Variants in LPAR5 observed in about 807,000 individuals in gnomAD.
The protein encoded by LPAR5 is G protein-coupled receptor 92.
For missense variants in LPAR5, 544 were observed against 521.8 expected, an observed-to-expected ratio of 1.04 and a Z score of -0.41; for synonymous variants, 271 against 261.6, an observed-to-expected ratio of 1.04 and a Z score of -0.35.
At chr12:6,623,035 C>T (rs1378587011) in intron 1 of LPAR5, among the ~76,000 whole-genome samples, 3 of 151,954 alleles carry the variant, frequency 2.0e-5, no homozygotes, top group South Asian at 2.1e-4. Flanking sequence ...GTCAGGAGTT[C>T]GAGATCAGCC....
At chr12:6,627,718 C>T (rs1948951390) in intron 1 of LPAR5, among the ~76,000 whole-genome samples, 1 of 152,160 alleles carries the variant, frequency 6.6e-6, no homozygotes, top group Admixed American at 6.5e-5. Context: ...TGGTAAGCTC[C>T]TAGGGTGGGA....
intron 1 of LPAR5, among the ~76,000 whole-genome samples, chr12:6,628,319 C>T (rs1948957538): frequency 1.3e-5 from 2 of 152,082 alleles, no homozygotes; most frequent in South Asian, 4.1e-4. Flanking sequence ...CCGCGCCAGG[C>T]CCACTTGATC....
At chr12:6,621,711 T>C (rs757642192) in intron 1 of LPAR5, among the ~76,000 whole-genome samples, 9 of 152,202 alleles carry the variant, frequency 5.9e-5, no homozygotes, top group Non-Finnish European at 1.2e-4. Context: ...AAAAAATTAA[T>C]CTTGGCTGGG....
At chr12:6,632,850 C>T (rs950563597) in intron 1 of LPAR5, among the ~76,000 whole-genome samples, 1 of 152,168 alleles carries the variant, frequency 6.6e-6, no homozygotes, top group East Asian at 1.9e-4. Flanking sequence ...TGCCCAGGGG[C>T]CACATTCTTC....
Position 6,619,989 on chromosome 12 carries a change from T to A in LPAR5, c.*141A>T, listed in dbSNP as rs146136787. 8.1e-4 allele frequency: 953 copies of A among 1,174,648 alleles called. 7 individuals carry two copies. In the African/African-American group the frequency reaches 0.013, roughly 16 times the overall value. The allele number at this position is 1,174,648 out of a possible 1,614,324, so 72.8% of individuals were successfully genotyped here. A position where few individuals can be genotyped will look rare whatever the true frequency, so the allele number is the denominator to read the frequency against. On this transcript the variant is annotated 3_prime_UTR_variant, in exon 2 of 2. Transcript: ENST00000329858. ...TCCCTGGGCCCTGGCTTCCACACTT[T>A]GTACTCTTCTGCGTTGCTAAGCTGG...
At chr12:6,630,129 G>A (rs1565388589) in intron 1 of LPAR5, among the ~76,000 whole-genome samples, 1 of 151,792 alleles carries the variant, frequency 6.6e-6, no homozygotes. Context: ...AAGTTCTTGG[G>A]TTTCTTTTTT....
chr12:6,621,500 A>C, intron 1 of LPAR5, 36 bp from the exon 2 acceptor site: 1 of 383,898 alleles, frequency 2.6e-6, no homozygotes, highest in Non-Finnish European at 4.8e-6. Context: ...TTATACAGAG[A>C]CAGGGCTGCA....
chr12:6,626,720 C>T lies in LPAR5; in HGVS notation c.-216-5256G>A, dbSNP rs1948942828. 6.6e-5 allele frequency among the ~76,000 whole-genome samples: 10 copies of T among 152,332 alleles called. No homozygotes were observed. The South Asian group carries it at 2.1e-3, about 32-fold the overall frequency. ...GCCTTTGTATGTGGTGTTTCTTCAA[C>T]TTGGAATGCCCTGCCTCCCGTTCTC... is the stretch of plus-strand genomic sequence containing the variant. On this transcript the variant is annotated intron_variant, in intron 1 of 1. Coordinates refer to ENST00000329858, the MANE Select transcript of LPAR5 (RefSeq NM_020400.6).
At position 6,620,611 on chromosome 12, in the gene LPAR5, C is replaced by G; in HGVS notation, c.638G>C (p.Arg213Pro). The G allele has an allele frequency of 2.6e-6, 4 of 1,551,464 alleles. No homozygotes were observed. The highest frequency in any genetic ancestry group is 3.5e-6 in the Non-Finnish European group (4 of 1,148,216). The stretch of plus-strand genomic sequence containing the variant: ...GGGGCGCGCCAGCGTCCAGAAGACT[C>G]GGCCCGACGAGTAGACCACCGCCGC... The part of the protein sequence containing the change: ...PLAAVVYSSG[R>P]VFWTLARPDA... Residue 213 changes from arginine to proline, a missense_variant, in exon 2 of 2, where the codon CGA (arginine) becomes CCA (proline). Arg to Pro is a moderately radical substitution (Grantham distance 103, BLOSUM62 -2). Transcript: ENST00000329858. This position sits in a 1 kb window ranked among gnomAD's most constrained non-coding sequence, Gnocchi z 6.8.
At position 6,620,374 on chromosome 12, in the gene LPAR5, A is replaced by C; in HGVS notation, c.875T>G (p.Leu292Arg). The part of the protein sequence containing the change: ...MVLLAGANCV[L>R]DPLVYYFSAE... ...GCTAAAGTAGTACACCAGCGGGTCC[A>C]GCACGCAGTTGGCGCCGGCCAGCAG... Residue 292 changes from leucine (L) to arginine (R), a missense_variant, in exon 2 of 2, where the codon CTG becomes CGG. By Grantham distance (102) the Leu-to-Arg change is moderately radical. Coordinates refer to ENST00000329858, the MANE Select transcript of LPAR5 (RefSeq NM_020400.6). The surrounding 1 kb of genome is among the most constrained non-coding windows in gnomAD (Gnocchi z 6.8). 1 of 1,611,802 alleles carries C rather than the reference A, an allele frequency of 6.2e-7. No homozygotes were observed. The highest frequency in any genetic ancestry group is 1.1e-5 in the South Asian group (1 of 90,976).
intron 1 of LPAR5, among the ~76,000 whole-genome samples, chr12:6,623,490 C>T (rs538299979): frequency 1.6e-4 from 24 of 151,564 alleles, no homozygotes; most frequent in Admixed American, 2.6e-4. Context: ...GTCGAGATCA[C>T]GCCACTGCAC....
rs749935314 is a variant in LPAR5 at position 6,620,399 on chromosome 12, G to C, written c.850C>G (p.Leu284Val). Reference sequence around the variant, plus strand: ...AGCACGCAGTTGGCGCCGGCCAGCAGCACCATCACCATCAGCACCCCGCGC... The same window carrying C: ...AGCACGCAGTTGGCGCCGGCCAGCACCACCATCACCATCAGCACCCCGCGC... ...RVRGVLMVMV[L>V]LAGANCVLDP... Residue 284 changes from leucine to valine, a missense_variant, in exon 2 of 2, where the codon CTG (leucine) becomes GTG (valine). Physicochemically the swap from Leu to Val is conservative, Grantham distance 32. Transcript: ENST00000329858. This position sits in a 1 kb window ranked among gnomAD's most constrained non-coding sequence, Gnocchi z 6.8. 3 of 1,611,342 alleles carry C rather than the reference G, an allele frequency of 1.9e-6. No homozygotes were observed. Among genetic ancestry groups the C allele is most frequent in the African/African-American group, 1.3e-5 (1 of 74,914 alleles).
intron 1 of LPAR5, among the ~76,000 whole-genome samples, chr12:6,628,487 C>T (rs181146637): frequency 1.2e-3 from 183 of 151,436 alleles, no homozygotes; most frequent in African/African-American, 4.2e-3. Context: ...GATGGAGTTT[C>T]GCATGCTCTG....
chr12:6,624,498 A>G (rs1249705969), intron 1 of LPAR5, among the ~76,000 whole-genome samples: 3 of 152,108 alleles, frequency 2.0e-5, no homozygotes, highest in Admixed American at 1.3e-4. Flanking sequence ...TGCCTATTCT[A>G]GATACCTCAT....
At position 6,620,068 on chromosome 12, in the gene LPAR5, G is replaced by C. The variant is rs1948874664; in HGVS notation, c.*62C>G. On this transcript the variant is annotated 3_prime_UTR_variant, in exon 2 of 2. Transcript: ENST00000329858. This position sits in a 1 kb window ranked among gnomAD's most constrained non-coding sequence, Gnocchi z 6.8. ...GCCCACCTTCTTGTGTGTACACCCT[G>C]TAAGCCTCCCAGAACGAGAGGCGTT... 6.3e-7 allele frequency: 1 copy of C among 1,598,176 alleles called. No homozygotes were observed. Among genetic ancestry groups the C allele is most frequent in the South Asian group, 1.1e-5 (1 of 89,352 alleles).
Position 6,620,114 on chromosome 12 carries a change from G to A in LPAR5, c.*16C>T, listed in dbSNP as rs762110463. 4 of 1,613,416 alleles carry A rather than the reference G, an allele frequency of 2.5e-6. No homozygotes were observed. Among genetic ancestry groups the A allele is most frequent in the South Asian group, 2.2e-5 (2 of 91,012 alleles). On this transcript the variant is annotated 3_prime_UTR_variant, in exon 2 of 2. Coordinates refer to ENST00000329858, the MANE Select transcript of LPAR5 (RefSeq NM_020400.6). This position sits in a 1 kb window ranked among gnomAD's most constrained non-coding sequence, Gnocchi z 6.8. ...GCGTTGGGAGTCGGGCACGGACAGC[G>A]CAATGGCATGTGTGTTCAGAGGGCG...
Position 6,619,988 on chromosome 12 carries a change from T to C in LPAR5, c.*142A>G, listed in dbSNP as rs1337754093. On this transcript the variant is annotated 3_prime_UTR_variant, in exon 2 of 2. Coordinates refer to ENST00000329858, the MANE Select transcript of LPAR5 (RefSeq NM_020400.6). ...TTCCCTGGGCCCTGGCTTCCACACT[T>C]TGTACTCTTCTGCGTTGCTAAGCTG... 1 of 1,169,038 alleles carries C rather than the reference T, an allele frequency of 8.6e-7. No individual in the cohort carries two copies. The highest frequency in any genetic ancestry group is 1.3e-5 in the South Asian group (1 of 75,548). The allele number at this position is 1,169,038 out of a possible 1,614,324, so 72.4% of individuals were successfully genotyped here.
rs753259957 is a variant in LPAR5 at position 6,618,948 on chromosome 12, A to G, written c.*1182T>C. The G allele has an allele frequency of 2.0e-5, 3 of 152,362 alleles. No individual in the cohort carries two copies. Among genetic ancestry groups the G allele is most frequent in the Non-Finnish European group, 4.4e-5 (3 of 68,048 alleles). 9.4% of individuals were successfully genotyped at this position (152,362 alleles called of 1,614,324 possible). ...ACATGAACTCCAATACTTCAGGACA[A>G]GTATGGTTCTCAAAGTGTGATCCAG... On this transcript the variant is annotated 3_prime_UTR_variant, in exon 2 of 2. Coordinates refer to ENST00000329858, the MANE Select transcript of LPAR5 (RefSeq NM_020400.6).
intron 1 of LPAR5, among the ~76,000 whole-genome samples, chr12:6,626,300 A>G (rs1164329825): frequency 6.6e-6 from 1 of 152,128 alleles, no homozygotes; most frequent in Non-Finnish European, 1.5e-5. Context: ...TTTTTCATAG[A>G]AACGGGGTCT....
Sources: gnomAD v4.1 joint callset for allele counts (sites outside exome capture counted in the v4.1 genomes callset) on GRCh38, gnomAD v4.1.1 for gene constraint, Gnocchi (gnomAD v3.1) non-coding constraint, MANE v1.5 for transcripts, NCBI Gene and HGNC (gene_info 2026-07-23, HGNC 2026-07-21) for gene names.